CTDSPL2: variants seen among roughly 807,000 people sequenced by gnomAD.
The protein encoded by CTDSPL2 is CTD small phosphatase-like protein 2.
A neutral mutation model predicts 60.0 loss-of-function variants in CTDSPL2; 5 were observed. The observed-to-expected ratio is 0.08, with a 90% CI of 0.04 to 0.18. The LOEUF (loss-of-function observed/expected upper bound fraction) is 0.18. Ranked by LOEUF, CTDSPL2 falls within the 10% of genes least tolerant of loss-of-function variation. CTDSPL2 has a pLI of 1.00. For missense variants in CTDSPL2, 370 were observed against 548.8 expected, an observed-to-expected ratio of 0.67 and a Z score of 3.26; for synonymous variants, 186 against 189.3, an observed-to-expected ratio of 0.98 and a Z score of 0.14.
chr15:44,525,990 A>C lies in CTDSPL2; in HGVS notation c.*1816A>C, dbSNP rs1461762981. The stretch of plus-strand genomic sequence containing the variant: ...AGATTTTCTGCAAAAAAAAAACAAA[A>C]GCATTTGCAATTCAGAATACTGATT... On this transcript the variant is annotated 3_prime_UTR_variant, in exon 13 of 13. Coordinates refer to ENST00000260327, the MANE Select transcript of CTDSPL2 (RefSeq NM_016396.3). 1 of 152,564 alleles carries C rather than the reference A, an allele frequency of 6.6e-6. No homozygotes were observed. Among genetic ancestry groups the C allele is most frequent in the Non-Finnish European group, 1.5e-5 (1 of 68,032 alleles). The allele number at this position is 152,564 out of a possible 1,614,324, so 9.5% of individuals were successfully genotyped here.
At chr15:44,475,184 A>G (rs963652566) in intron 2 of CTDSPL2, among the ~76,000 whole-genome samples, 1 of 151,950 alleles carries the variant, frequency 6.6e-6, no homozygotes, top group African/African-American at 2.4e-5. Flanking sequence ...ATGTTTGCAG[A>G]TAAATCTTTC....
intron 8 of CTDSPL2, among the ~76,000 whole-genome samples, chr15:44,513,451 G>A (rs2081599840): frequency 6.6e-6 from 1 of 152,204 alleles, no homozygotes; most frequent in Middle Eastern, 3.2e-3. Flanking sequence ...TGGGCCGTAA[G>A]AGTGAAACTC....
chr15:44,498,703 A>G (rs913273728), intron 7 of CTDSPL2, among the ~76,000 whole-genome samples: 1 of 151,858 alleles, frequency 6.6e-6, no homozygotes, highest in Middle Eastern at 3.2e-3. Context: ...GTTTGAGACC[A>G]GCCTGACCAA....
chr15:44,514,103 C>T (rs781033556), intron 8 of CTDSPL2, among the ~76,000 whole-genome samples: 10 of 152,168 alleles, frequency 6.6e-5, no homozygotes, highest in Admixed American at 1.3e-4. Context: ...TCAATCCAGA[C>T]GTCTCCTTTT....
intron 1 of CTDSPL2, among the ~76,000 whole-genome samples, chr15:44,444,355 AT>A (rs958090164): frequency 2.7e-5 from 4 of 149,548 alleles, no homozygotes; most frequent in African/African-American, 9.9e-5. Flanking sequence ...ACAGAGACAC[AT>A]TTTTTTGAGA....
At chr15:44,457,100 C>G (rs2080463514) in intron 1 of CTDSPL2, among the ~76,000 whole-genome samples, 2 of 152,110 alleles carry the variant, frequency 1.3e-5, no homozygotes, top group African/African-American at 2.4e-5. Flanking sequence ...TGGTCTTGAA[C>G]TCCTGGGCTC....
intron 2 of CTDSPL2, 66 bp from the exon 3 acceptor site, chr15:44,484,158 T>A (rs1026183467): frequency 2.1e-6 from 3 of 1,405,758 alleles, no homozygotes; most frequent in African/African-American, 2.9e-5. Flanking sequence ...TTTTTCATTT[T>A]AATATTGTAA....
intron 1 of CTDSPL2, among the ~76,000 whole-genome samples, chr15:44,458,455 A>G (rs1415042331): frequency 6.6e-6 from 1 of 152,246 alleles, no homozygotes; most frequent in African/African-American, 2.4e-5. Context: ...AAAATGATCC[A>G]CATTCTGTTG....
intron 1 of CTDSPL2, among the ~76,000 whole-genome samples, chr15:44,445,936 CTTTT>C (rs1331359164): frequency 9.7e-5 from 12 of 124,074 alleles, no homozygotes; most frequent in Non-Finnish European, 2.1e-4. Context: ...TGTGCCTGGC[CTTTT>C]TTTTTTTTTT....
chr15:44,476,575 G>A (rs1181878851), intron 2 of CTDSPL2, among the ~76,000 whole-genome samples: 1 of 152,052 alleles, frequency 6.6e-6, no homozygotes, highest in East Asian at 1.9e-4. Flanking sequence ...GTCCAATAAG[G>A]TTATAATACC....
intron 10 of CTDSPL2, 77 bp downstream of exon 10, chr15:44,514,921 G>C (rs2081623298): frequency 1.1e-6 from 1 of 872,818 alleles, no homozygotes; most frequent in African/African-American, 1.7e-5. Context: ...CATTTTAATG[G>C]CCATTTTCAG....
chr15:44,448,104 G>A, intron 1 of CTDSPL2: 1 of 251,112 alleles, frequency 4.0e-6, no homozygotes, highest in Non-Finnish European at 8.2e-6. Context: ...TGTGCTCCAG[G>A]CCAGCCCCCA....
chr15:44,514,986 C>G, intron 10 of CTDSPL2, 142 bp downstream of exon 10: 2 of 550,804 alleles, frequency 3.6e-6, no homozygotes, highest in South Asian at 2.9e-5. Flanking sequence ...AGCCCCTAAA[C>G]TCTTTAAAAG....
intron 1 of CTDSPL2, among the ~76,000 whole-genome samples, chr15:44,451,486 A>G (rs763086321): frequency 6.6e-6 from 1 of 152,046 alleles, no homozygotes; most frequent in Non-Finnish European, 1.5e-5. Flanking sequence ...AATTTTTCCA[A>G]CTCTTAAGGG....
intron 12 of CTDSPL2, among the ~76,000 whole-genome samples, chr15:44,521,857 G>A (rs903652860): frequency 4.5e-5 from 6 of 132,632 alleles, no homozygotes; most frequent in Admixed American, 9.1e-5. Flanking sequence ...GGAATGGCGT[G>A]AACCCGGGAG....
chr15:44,465,712 C>CTTT (rs772862374), intron 2 of CTDSPL2, among the ~76,000 whole-genome samples: 70 of 127,998 alleles, frequency 5.5e-4, no homozygotes, highest in Non-Finnish European at 6.7e-4. Context: ...TCCTCCTCCT[C>CTTT]TTTTTTTTTT....
At chr15:44,449,282 C>A in intron 1 of CTDSPL2, 1 of 216,676 alleles carries the variant, frequency 4.6e-6, no homozygotes, top group East Asian at 1.2e-4. Flanking sequence ...TGTCTAGCAC[C>A]TGAATAGCTT....
At chr15:44,478,192 AT>A (rs1295311688) in intron 2 of CTDSPL2, among the ~76,000 whole-genome samples, 2 of 152,066 alleles carry the variant, frequency 1.3e-5, no homozygotes, top group Admixed American at 1.3e-4. Flanking sequence ...GATGCCTGTT[AT>A]CCCAGCACTT....
chr15:44,513,873 C>G (rs1313989404), intron 8 of CTDSPL2, among the ~76,000 whole-genome samples: 1 of 152,014 alleles, frequency 6.6e-6, no homozygotes, highest in Non-Finnish European at 1.5e-5. Flanking sequence ...TAAATGTAGG[C>G]AAAGAGAGAC....
Sources: gnomAD v4.1 joint callset for allele counts (sites outside exome capture counted in the v4.1 genomes callset) on GRCh38, gnomAD v4.1.1 for gene constraint, MANE v1.5 for transcripts, NCBI Gene and HGNC (gene_info 2026-07-23, HGNC 2026-07-21) for gene names.